The following RALA variants were observed in gnomAD, a reference collection of about 807,000 sequenced individuals.
RALA encodes the protein ras-related protein Ral-A.
A neutral mutation model predicts 24.0 loss-of-function variants in RALA; 5 were observed. The observed-to-expected ratio is 0.21, with a 90% CI of 0.11 to 0.44. The LOEUF is 0.44. RALA is among the 20% of genes least tolerant of loss of function. RALA has a pLI of 0.99. For synonymous variants in RALA, 77 were observed against 83.8 expected, an observed-to-expected ratio of 0.92 and a Z score of 0.44; for missense variants, 95 against 241.2, an observed-to-expected ratio of 0.39 and a Z score of 4.01.
At chr7:39,654,727 A>G (rs890954401) in intron 1 of RALA, among the ~76,000 whole-genome samples, 2 of 152,056 alleles carry the variant, frequency 1.3e-5, no homozygotes, top group African/African-American at 4.8e-5. Flanking sequence ...TATGGTGTAT[A>G]TGTGAATCTA....
intron 4 of RALA, among the ~76,000 whole-genome samples, chr7:39,701,232 G>A (rs1233768082): frequency 6.6e-6 from 1 of 152,168 alleles, no homozygotes; most frequent in East Asian, 1.9e-4. Context: ...ACAATGGTTG[G>A]GGCCAGGTGC....
At chr7:39,668,298 A>T (rs904477436) in intron 1 of RALA, among the ~76,000 whole-genome samples, 14 of 152,228 alleles carry the variant, frequency 9.2e-5, no homozygotes, top group Non-Finnish European at 1.8e-4. Flanking sequence ...GATAAACCTT[A>T]AACAGTCAAT....
chr7:39,677,675 T>C (rs1166710102), intron 1 of RALA, among the ~76,000 whole-genome samples: 1 of 23,136 alleles, frequency 4.3e-5, no homozygotes, highest in Non-Finnish European at 7.9e-5. Flanking sequence ...CCACCAACAG[T>C]GTAAAAGTGT....
chr7:39,637,147 A>G (rs1202758365), intron 1 of RALA, among the ~76,000 whole-genome samples: 1 of 152,242 alleles, frequency 6.6e-6, no homozygotes, highest in Non-Finnish European at 1.5e-5. Flanking sequence ...GAATACTGAC[A>G]TTGTCTAAGT....
rs891372510 is a variant in RALA at position 39,705,073 on chromosome 7, C to G, written c.499-1050C>G. On this transcript the variant is annotated intron_variant, in intron 4 of 4. Coordinates refer to ENST00000005257, the MANE Select transcript of RALA (RefSeq NM_005402.4). ...ATGCCTCACTCTTCCTTGTACCCTC[C>G]TCCCTTCTTCAAAATGAAATTGATT... is the stretch of plus-strand genomic sequence containing the variant. 1.2e-4 allele frequency among the ~76,000 whole-genome samples: 18 copies of G among 152,186 alleles called. 1 individual carries two copies. The highest frequency in any genetic ancestry group is 8.8e-5 in the Non-Finnish European group (6 of 68,036).
In RALA at chr7:39,686,618, T is replaced by A. The variant is rs777607355; in HGVS notation, c.-37-13T>A. ...AATGTACTGAGCATTACTTATTCTT[T>A]CATTCTTCTTAGATTCTTCTTAATC... On this transcript the variant is annotated splice_polypyrimidine_tract_variant and intron_variant, in intron 1 of 4. Transcript: ENST00000005257. 2.9e-6 allele frequency: 4 copies of A among 1,398,466 alleles called. No individual in the cohort carries two copies. In the South Asian group the frequency reaches 4.6e-5, roughly 16 times the overall value. 86.6% of individuals were successfully genotyped at this position (1,398,466 alleles called of 1,614,324 possible).
At chr7:39,648,812 C>A (rs1353328153) in intron 1 of RALA, among the ~76,000 whole-genome samples, 2 of 152,164 alleles carry the variant, frequency 1.3e-5, no homozygotes, top group Non-Finnish European at 2.9e-5. Context: ...GTAATCCCAG[C>A]ACTTTGGGAG....
intron 1 of RALA, among the ~76,000 whole-genome samples, chr7:39,632,865 T>G (rs998234487): frequency 3.9e-5 from 6 of 152,122 alleles, no homozygotes; most frequent in Non-Finnish European, 7.4e-5. Flanking sequence ...GAGATGGATG[T>G]GGTAAGAAGC....
chr7:39,692,252 C>A (rs751351651), intron 3 of RALA, among the ~76,000 whole-genome samples: 3 of 152,174 alleles, frequency 2.0e-5, no homozygotes, highest in Non-Finnish European at 4.4e-5. Flanking sequence ...CCATTGCTTC[C>A]TCGTCTATAT....
intron 1 of RALA, among the ~76,000 whole-genome samples, chr7:39,681,379 G>A (rs1057289317): frequency 4.2e-5 from 5 of 118,622 alleles, no homozygotes; most frequent in South Asian, 5.7e-4. Context: ...GTGCAATGGT[G>A]CAATCTTGGA....
At chr7:39,688,886 G>A (rs980939076) in intron 2 of RALA, among the ~76,000 whole-genome samples, 2 of 152,194 alleles carry the variant, frequency 1.3e-5, no homozygotes, top group South Asian at 2.1e-4. Flanking sequence ...TGACTAGGAG[G>A]CTTCAGGAGA....
At chr7:39,677,151 A>C (rs959013938) in intron 1 of RALA, among the ~76,000 whole-genome samples, 1 of 152,194 alleles carries the variant, frequency 6.6e-6, no homozygotes, top group Non-Finnish European at 1.5e-5. Flanking sequence ...GGGCCAAGGG[A>C]TGCCCCAGGC....
At chr7:39,664,209 C>T (rs771213910) in intron 1 of RALA, among the ~76,000 whole-genome samples, 7 of 152,104 alleles carry the variant, frequency 4.6e-5, no homozygotes, top group South Asian at 2.1e-4. Flanking sequence ...CAAGTGCAGT[C>T]GGGTTTATGA....
At chr7:39,692,689 A>G (rs1031675905) in intron 3 of RALA, among the ~76,000 whole-genome samples, 4 of 152,160 alleles carry the variant, frequency 2.6e-5, no homozygotes, top group Non-Finnish European at 4.4e-5. Context: ...GCCAGCATCA[A>G]TCACACTATG....
chr7:39,631,060 T>TC (rs1791589685), intron 1 of RALA, among the ~76,000 whole-genome samples: 2 of 151,290 alleles, frequency 1.3e-5, no homozygotes, highest in Non-Finnish European at 2.9e-5. Flanking sequence ...CAGGCTGGAG[T>TC]GCAGTGGTGC....
At chr7:39,661,151 GC>G (rs1792181843) in intron 1 of RALA, among the ~76,000 whole-genome samples, 2 of 152,120 alleles carry the variant, frequency 1.3e-5, no homozygotes, top group African/African-American at 4.8e-5. Flanking sequence ...GGGGGAAACT[GC>G]CCCCATGATT....
intron 1 of RALA, among the ~76,000 whole-genome samples, chr7:39,643,538 T>C (rs555453902): frequency 1.9e-4 from 29 of 152,072 alleles, no homozygotes; most frequent in African/African-American, 6.3e-4. Flanking sequence ...CTGGCCGACA[T>C]GGCAAAATCC....
rs181686139 is a variant in RALA at position 39,634,824 on chromosome 7, T to A, written c.-38+10999T>A. Among the ~76,000 whole-genome samples the A allele has an allele frequency of 6.6e-5, 10 of 152,346 alleles. No homozygotes were observed. The East Asian group carries it at 1.9e-3, about 29-fold the overall frequency. On this transcript the variant is annotated intron_variant, in intron 1 of 4. Transcript: ENST00000005257. ...GTTGCTATGCTTATTTATTTTTATG[T>A]TTTGTTTTGATCCAGTTCATAAAAT...
chr7:39,681,815 A>G (rs576669514), intron 1 of RALA, among the ~76,000 whole-genome samples: 1 of 152,238 alleles, frequency 6.6e-6, no homozygotes, highest in South Asian at 2.1e-4. Context: ...AGACTAAAAC[A>G]TTCAGTTTTT....
Sources: allele counts gnomAD v4.1 joint callset (sites outside exome capture counted in the v4.1 genomes callset), GRCh38; gene constraint gnomAD v4.1.1; transcripts MANE v1.5; gene names NCBI Gene and HGNC (gene_info 2026-07-23, HGNC 2026-07-21).